PCDHA10: variants seen among roughly 807,000 people sequenced by gnomAD.
The protein encoded by PCDHA10 is protocadherin alpha-10.
A neutral mutation model predicts 61.2 loss-of-function variants in PCDHA10; 45 were observed. The ratio of observed to expected loss-of-function variants is 0.74; its 90% CI spans 0.58 to 0.94. PCDHA10 has a LOEUF of 0.94. PCDHA10 is among the 40% of genes least tolerant of loss of function. PCDHA10 has a pLI of 0.00. For synonymous variants in PCDHA10, 602 were observed against 548.8 expected (o/e 1.10, Z -1.35); for missense variants, 1,278 against 1,236.2 (o/e 1.03, Z -0.51).
At chr5:140,928,165 C>T (rs1554205580) in intron 1 of PCDHA10, 3 of 1,614,200 alleles carry the variant, frequency 1.9e-6, no homozygotes, top group East Asian at 2.2e-5. Context: ...CTCACCCCCA[C>T]TTAGCACCCG....
At chr5:140,928,122 A>C in intron 1 of PCDHA10, 1 of 1,614,196 alleles carries the variant, frequency 6.2e-7, no homozygotes, top group Non-Finnish European at 8.5e-7. Context: ...AGATCAGTGA[A>C]TACCAAGTCC....
At chr5:140,876,361 C>A in intron 1 of PCDHA10, 1 of 1,613,880 alleles carries the variant, frequency 6.2e-7, no homozygotes. Flanking sequence ...TTCAATAAAT[C>A]CAGACACAGG....
At chr5:140,880,198 G>C (rs1360437780) in intron 1 of PCDHA10, among the ~76,000 whole-genome samples, 1 of 152,164 alleles carries the variant, frequency 6.6e-6, no homozygotes, top group Non-Finnish European at 1.5e-5. Flanking sequence ...ATAAACAGAA[G>C]AGGTTTTCCA....
intron 1 of PCDHA10, among the ~76,000 whole-genome samples, chr5:140,947,178 C>T (rs1356075084): frequency 6.6e-6 from 1 of 151,188 alleles, no homozygotes. Context: ...GGTATATATT[C>T]ATGGTATACT....
At chr5:140,979,779 G>C (rs778402540) in intron 2 of PCDHA10, among the ~76,000 whole-genome samples, 1 of 152,186 alleles carries the variant, frequency 6.6e-6, no homozygotes, top group Non-Finnish European at 1.5e-5. Flanking sequence ...AAATGGGAAG[G>C]ACCAAGAAAC....
intron 1 of PCDHA10, among the ~76,000 whole-genome samples, chr5:140,969,974 A>G (rs11750201): frequency 0.017 from 2,514 of 152,228 alleles, 25 homozygotes; most frequent in Middle Eastern, 0.037. Flanking sequence ...TGATGTGGCA[A>G]CTCTTCTGTA....
At chr5:140,866,404 A>C (rs781790462) in intron 1 of PCDHA10, 1 of 152,130 alleles carries the variant, frequency 6.6e-6, no homozygotes, top group Non-Finnish European at 1.5e-5. Context: ...TTCCCATGAA[A>C]ATCTTCAAAT....
intron 1 of PCDHA10, chr5:140,884,394 G>A (rs2060142596): frequency 3.7e-6 from 6 of 1,613,880 alleles, no homozygotes; most frequent in East Asian, 2.2e-5. Flanking sequence ...GCGGTGTCCA[G>A]CCTGTTGGTG....
intron 1 of PCDHA10, among the ~76,000 whole-genome samples, chr5:140,976,116 A>G (rs781948908): frequency 1.2e-4 from 18 of 152,224 alleles, no homozygotes; most frequent in Non-Finnish European, 2.6e-4. Flanking sequence ...AATTTTTCCA[A>G]GTTTAATCAA....
chr5:140,900,271 G>A (rs1055315411), intron 1 of PCDHA10, among the ~76,000 whole-genome samples: 2 of 151,762 alleles, frequency 1.3e-5, no homozygotes, highest in Non-Finnish European at 2.9e-5. Flanking sequence ...TTGTGTATAT[G>A]TACCACACTT....
At position 140,857,963 on chromosome 5, in the gene PCDHA10, A is replaced by G. The variant is rs630162; in HGVS notation, c.1915A>G (p.Thr639Ala). 997,914 of 1,595,004 alleles carry G rather than the reference A, an allele frequency of 0.63. 344,648 individuals carry two copies. The highest frequency in any genetic ancestry group is 0.69 in the African/African-American group (51,213 of 74,044). ...EISTTRALDETDSPRQRLLVL... is the reference protein window; with the variant it reads ...EISTTRALDEADSPRQRLLVL... Reference sequence around the variant, plus strand: ...CAGTACGACGCGCGCTCTGGATGAGACTGACTCGCCACGCCAGCGCCTACT... The same window carrying G: ...CAGTACGACGCGCGCTCTGGATGAGGCTGACTCGCCACGCCAGCGCCTACT... The change falls in exon 1 of 4, where the codon ACT becomes GCT. Residue 639 changes from threonine (T) to alanine (A), a missense_variant. Coordinates refer to ENST00000307360, the MANE Select transcript of PCDHA10 (RefSeq NM_018901.4).
At chr5:140,991,298 A>G (rs555776023) in intron 3 of PCDHA10, among the ~76,000 whole-genome samples, 1 of 152,288 alleles carries the variant, frequency 6.6e-6, no homozygotes, top group Non-Finnish European at 1.5e-5. Context: ...ACACATTACT[A>G]TTATCTTGTC....
intron 1 of PCDHA10, among the ~76,000 whole-genome samples, chr5:140,971,061 G>A (rs2096454888): frequency 6.6e-6 from 1 of 152,154 alleles, no homozygotes; most frequent in Non-Finnish European, 1.5e-5. Context: ...TTTAAATAAG[G>A]TTGCTGTAGA....
chr5:140,883,339 C>G (rs142984869), intron 1 of PCDHA10: 2 of 1,614,172 alleles, frequency 1.2e-6, no homozygotes, highest in South Asian at 2.2e-5. Flanking sequence ...CTTTGTCACT[C>G]CCCATCAGAG....
At chr5:140,947,374 T>C (rs1252253428) in intron 1 of PCDHA10, among the ~76,000 whole-genome samples, 7 of 151,768 alleles carry the variant, frequency 4.6e-5, no homozygotes, top group Admixed American at 4.6e-4. Context: ...TTGATCTATA[T>C]GTTTATCCTT....
Position 140,916,718 on chromosome 5 carries a change from G to C in PCDHA10, c.2388+58282G>C, listed in dbSNP as rs115136945. Among the ~76,000 whole-genome samples, 1,217 of 152,304 alleles carry C rather than the reference G, an allele frequency of 8.0e-3. 6 individuals are homozygous for C. Among genetic ancestry groups the C allele is most frequent in the African/African-American group, 0.019 (785 of 41,570 alleles). On this transcript the variant is annotated intron_variant, in intron 1 of 3. Coordinates refer to ENST00000307360, the MANE Select transcript of PCDHA10 (RefSeq NM_018901.4). ...CTCTCCTTAAGCAGAAGGAAGGAGTGACTTTTGTTGCTGCAAGCTTCACTG... is the reference window on the plus strand; with the variant it reads ...CTCTCCTTAAGCAGAAGGAAGGAGTCACTTTTGTTGCTGCAAGCTTCACTG...
At chr5:141,004,919 T>A (rs144687292) in intron 3 of PCDHA10, among the ~76,000 whole-genome samples, 2 of 152,264 alleles carry the variant, frequency 1.3e-5, no homozygotes, top group East Asian at 3.9e-4. Flanking sequence ...GGAAAAGGGT[T>A]TGGAAGAGAG....
chr5:140,875,579 A>G (rs552791418), intron 1 of PCDHA10: 3 of 1,614,050 alleles, frequency 1.9e-6, no homozygotes, highest in Non-Finnish European at 2.5e-6. Context: ...TACTCCGTCT[A>G]CGAGGAGGCC....
intron 3 of PCDHA10, among the ~76,000 whole-genome samples, chr5:141,008,972 C>T (rs1554261973): frequency 6.6e-6 from 1 of 152,148 alleles, no homozygotes; most frequent in African/African-American, 2.4e-5. Context: ...CATTTATAGC[C>T]AAAGTTTAAT....
Sources: allele counts gnomAD v4.1 joint callset (sites outside exome capture counted in the v4.1 genomes callset), GRCh38; gene constraint gnomAD v4.1.1; transcripts MANE v1.5; gene names NCBI Gene and HGNC (gene_info 2026-07-23, HGNC 2026-07-21).